The following KPNA3 variants were observed in gnomAD, a reference collection of about 807,000 sequenced individuals.
KPNA3 encodes the protein importin subunit alpha-4.
In KPNA3, 13 loss-of-function variants were observed where a neutral mutation model predicts 73.8. The ratio of observed to expected loss-of-function variants is 0.18; its 90% CI spans 0.11 to 0.28. The LOEUF (loss-of-function observed/expected upper bound fraction) is 0.28, where lower values mean the gene tolerates loss of function less well. Ranked by LOEUF, KPNA3 falls within the 10% of genes least tolerant of loss-of-function variation. KPNA3 has a pLI of 1.00. For synonymous variants in KPNA3, 186 were observed against 206.9 expected (o/e 0.90, Z 0.87); for missense variants, 360 against 618.1 (o/e 0.58, Z 4.43).
intron 1 of KPNA3, among the ~76,000 whole-genome samples, chr13:49,756,590 T>C (rs890298332): frequency 1.5e-4 from 23 of 152,138 alleles, no homozygotes; most frequent in African/African-American, 5.3e-4. Flanking sequence ...GAGGGGCATA[T>C]TGTGTTCATA....
chr13:49,759,927 T>C (rs1954744581), intron 1 of KPNA3, among the ~76,000 whole-genome samples: 1 of 152,030 alleles, frequency 6.6e-6, no homozygotes, highest in South Asian at 2.1e-4. Flanking sequence ...ACTTAGACAA[T>C]GTTCCTCAGT....
chr13:49,791,002 A>C (rs981115957), intron 1 of KPNA3, among the ~76,000 whole-genome samples: 5 of 152,216 alleles, frequency 3.3e-5, no homozygotes, highest in Non-Finnish European at 5.9e-5. Flanking sequence ...TCCTATTCCC[A>C]AGTTTTACTT....
chr13:49,784,647 T>C (rs1292813331), intron 1 of KPNA3, among the ~76,000 whole-genome samples: 1 of 152,176 alleles, frequency 6.6e-6, no homozygotes, highest in Non-Finnish European at 1.5e-5. Flanking sequence ...CTCCCAGAAC[T>C]TTACCTGTCA....
At chr13:49,736,755 C>A (rs767261035) in intron 2 of KPNA3, among the ~76,000 whole-genome samples, 2 of 152,138 alleles carry the variant, frequency 1.3e-5, no homozygotes, top group Non-Finnish European at 2.9e-5. Context: ...ATGTTATCTA[C>A]CACCACAGTC....
intron 10 of KPNA3, among the ~76,000 whole-genome samples, chr13:49,714,973 A>G (rs1199602063): frequency 6.6e-6 from 1 of 152,052 alleles, no homozygotes; most frequent in Admixed American, 6.5e-5. Flanking sequence ...GAATGCAAGG[A>G]TGGTTCAATT....
intron 2 of KPNA3, among the ~76,000 whole-genome samples, chr13:49,743,339 ATCT>A (rs749474049): frequency 3.9e-5 from 6 of 152,150 alleles, no homozygotes; most frequent in Non-Finnish European, 2.9e-5. Context: ...GAGTGGAAGA[ATCT>A]TCTCTTGAAG....
chr13:49,722,555 G>A lies in KPNA3; in HGVS notation c.478C>T (p.Pro160Ser). 1.9e-6 allele frequency: 3 copies of A among 1,602,486 alleles called. No individual in the cohort carries two copies. Among genetic ancestry groups the A allele is most frequent in the Admixed American group, 1.7e-5 (1 of 59,552 alleles). Reference protein sequence around the residue: ...TQAVVQSNAVPLFLRLLRSPH... With the variant: ...TQAVVQSNAVSLFLRLLRSPH... ...GAACGAAGAAGTCTCAGAAAAAGAGGTACTGCATCTGTAATAAAGAAAAAC... is the reference window on the plus strand; with the variant it reads ...GAACGAAGAAGTCTCAGAAAAAGAGATACTGCATCTGTAATAAAGAAAAAC... The change falls in exon 8 of 17, where the codon CCT becomes TCT. Residue 160 changes from proline (P) to serine (S), a missense_variant. This residue lies in a region of KPNA3 where 287 missense variants were observed against 549.1 expected (regional missense o/e 0.52). Transcript: ENST00000261667.
intron 8 of KPNA3, 150 bp downstream of exon 8, chr13:49,722,327 T>A: frequency 1.5e-6 from 1 of 654,334 alleles, no homozygotes; most frequent in Non-Finnish European, 2.6e-6. Context: ...TATATCCTTT[T>A]CAAAGAGCAT....
intron 10 of KPNA3, 25 bp from the exon 11 acceptor site, chr13:49,711,047 C>G (rs777003670): frequency 1.3e-6 from 2 of 1,588,654 alleles, no homozygotes; most frequent in African/African-American, 1.4e-5. Context: ...AAAGAAAAAC[C>G]ATTTTACATA....
chr13:49,716,088 T>C (rs969260635), intron 10 of KPNA3, among the ~76,000 whole-genome samples: 2 of 152,138 alleles, frequency 1.3e-5, no homozygotes, highest in Non-Finnish European at 2.9e-5. Flanking sequence ...CATGACAATA[T>C]CTCAAAGGCT....
At chr13:49,706,438 T>A in intron 12 of KPNA3, 66 bp from the exon 13 acceptor site, 1 of 1,063,136 alleles carries the variant, frequency 9.4e-7, no homozygotes, top group Non-Finnish European at 1.4e-6. Flanking sequence ...CTTTCTAATA[T>A]ATTTTATATA....
chr13:49,725,646 C>CA, intron 6 of KPNA3, 145 bp from the exon 7 acceptor site: 1 of 382,332 alleles, frequency 2.6e-6, no homozygotes. Context: ...GCCAACCCTA[C>CA]TTTTTTTTTT....
Position 49,785,965 on chromosome 13 carries a change from C to T in KPNA3, c.69+6473G>A, listed in dbSNP as rs541921793. Among the ~76,000 whole-genome samples, 18 of 152,256 alleles carry T rather than the reference C, an allele frequency of 1.2e-4. No individual in the cohort carries two copies. In the South Asian group the frequency reaches 2.9e-3, roughly 25 times the overall value. ...CTTGATCCGTTCAACTGTTTCTGTA[C>T]TTTATGTTCAACTGTTGTTATTTAA... On this transcript the variant is annotated intron_variant, in intron 1 of 16. Transcript: ENST00000261667.
intron 10 of KPNA3, among the ~76,000 whole-genome samples, chr13:49,714,811 AATT>A (rs1252563699): frequency 6.6e-6 from 1 of 152,072 alleles, no homozygotes; most frequent in Non-Finnish European, 1.5e-5. Context: ...AATTAATGTA[AATT>A]ATTGCCTAAT....
chr13:49,773,419 G>A (rs553643691), intron 1 of KPNA3, among the ~76,000 whole-genome samples: 1 of 152,156 alleles, frequency 6.6e-6, no homozygotes, highest in Admixed American at 6.5e-5. Context: ...AAATTAATCT[G>A]CCTCAAAGAT....
intron 9 of KPNA3, among the ~76,000 whole-genome samples, chr13:49,720,366 A>G (rs553233306): frequency 6.6e-6 from 1 of 152,314 alleles, no homozygotes; most frequent in East Asian, 1.9e-4. Flanking sequence ...TTTTTAAAAT[A>G]TGGGAGAAAG....
At chr13:49,708,716 C>T (rs1954231460) in intron 12 of KPNA3, among the ~76,000 whole-genome samples, 3 of 152,142 alleles carry the variant, frequency 2.0e-5, no homozygotes, top group Admixed American at 2.0e-4. Context: ...AAAGTTCTGA[C>T]ACATGCTGCA....
In KPNA3 at chr13:49,701,181, T is replaced by C. The variant is rs1954143332; in HGVS notation, c.*619A>G. On this transcript the variant is annotated 3_prime_UTR_variant, in exon 17 of 17. Transcript: ENST00000261667. Reference sequence around the variant, plus strand: ...TGAGGCAGATAATAAACACATCAATTACTGGTAGATGAAGTAGTTTTTTTT... The same window carrying C: ...TGAGGCAGATAATAAACACATCAATCACTGGTAGATGAAGTAGTTTTTTTT... 1 of 166,888 alleles carries C rather than the reference T, an allele frequency of 6.0e-6. No individual in the cohort carries two copies. Among genetic ancestry groups the C allele is most frequent in the Non-Finnish European group, 1.3e-5 (1 of 77,168 alleles). The allele number at this position is 166,888 out of a possible 1,614,324, so 10.3% of individuals were successfully genotyped here. A position where few individuals can be genotyped will look rare whatever the true frequency, so the allele number is the denominator to read the frequency against.
chr13:49,753,927 A>T (rs926186040), intron 1 of KPNA3, among the ~76,000 whole-genome samples: 1 of 152,240 alleles, frequency 6.6e-6, no homozygotes, highest in Admixed American at 6.5e-5. Flanking sequence ...AAGGGAAAAA[A>T]TACAGTATTT....
Sources: allele counts gnomAD v4.1 joint callset (sites outside exome capture counted in the v4.1 genomes callset), GRCh38; gene constraint gnomAD v4.1.1; regional missense constraint gnomAD v4.1.1; transcripts MANE v1.5; gene names NCBI Gene and HGNC (gene_info 2026-07-23, HGNC 2026-07-21).